HERC4: variants seen among roughly 807,000 people sequenced by gnomAD.
The protein encoded by HERC4 is probable E3 ubiquitin-protein ligase HERC4.
Under a neutral mutation model 124.3 loss-of-function variants are expected in HERC4, and 28 were observed. The observed-to-expected ratio is 0.23, with a 90% confidence interval of 0.17 to 0.31. The LOEUF (loss-of-function observed/expected upper bound fraction) is 0.31, where lower values mean the gene tolerates loss of function less well. Among genes scored for constraint, HERC4 ranks in the 10% least tolerant of loss-of-function variants. HERC4 has a pLI of 1.00. For synonymous variants in HERC4, 407 were observed against 421.5 expected (o/e 0.97, Z 0.42); for missense variants, 713 against 1,229.3 (o/e 0.58, Z 6.28).
At chr10:68,059,751 A>AATATTATATATCATAATATTAT in intron 3 of HERC4, among the ~76,000 whole-genome samples, 4 of 84,118 alleles carry the variant, frequency 4.8e-5, no homozygotes, top group Non-Finnish European at 5.7e-5. Flanking sequence ...TATATATTAT[A>AATATTATATATCATAATATTAT]ATATTATATA....
chr10:67,924,188 A>C (rs981340730), intron 24 of HERC4, among the ~76,000 whole-genome samples: 1 of 152,242 alleles, frequency 6.6e-6, no homozygotes, highest in African/African-American at 2.4e-5. Flanking sequence ...TTGTGACTGT[A>C]CTGAATGTGT....
At chr10:68,031,528 T>G (rs1307974029) in intron 7 of HERC4, among the ~76,000 whole-genome samples, 1 of 151,836 alleles carries the variant, frequency 6.6e-6, no homozygotes, top group African/African-American at 2.4e-5. Context: ...AAAAATGAAA[T>G]TACTTTTGCG....
At chr10:68,023,993 T>C (rs1008113401) in intron 8 of HERC4, among the ~76,000 whole-genome samples, 11 of 152,144 alleles carry the variant, frequency 7.2e-5, no homozygotes, top group South Asian at 2.1e-4. Context: ...CTTCTGTTCA[T>C]TGAAAGACAA....
At chr10:68,039,326 A>AG in intron 4 of HERC4, 4 of 1,468,856 alleles carry the variant, frequency 2.7e-6, no homozygotes, top group Non-Finnish European at 3.6e-6. Context: ...AAAAAAAAAA[A>AG]AAAAAAAAGA....
Position 67,956,992 on chromosome 10 carries a change from T to A in HERC4, c.1927-16A>T. The A allele has an allele frequency of 6.9e-7, 1 of 1,451,060 alleles. No homozygotes were observed. Among genetic ancestry groups the A allele is most frequent in the Non-Finnish European group, 9.4e-7 (1 of 1,062,192 alleles). 89.9% of individuals were successfully genotyped at this position (1,451,060 alleles called of 1,614,324 possible). Reference sequence around the variant, plus strand: ...TATCTGCCAACTGGAAATAAAAAATTAACTTATTAGTACAAGTTGATTTGT... The same window carrying A: ...TATCTGCCAACTGGAAATAAAAAATAAACTTATTAGTACAAGTTGATTTGT... On this transcript the variant is annotated splice_polypyrimidine_tract_variant and intron_variant, in intron 16 of 24. Transcript: ENST00000373700.
At chr10:67,965,368 C>T (rs543194811) in intron 16 of HERC4, 1 of 152,196 alleles carries the variant, frequency 6.6e-6, no homozygotes, top group Non-Finnish European at 1.5e-5. Flanking sequence ...GTCTGGTTCA[C>T]CACTGTATTT....
intron 9 of HERC4, among the ~76,000 whole-genome samples, chr10:68,005,406 T>C (rs2037480604): frequency 6.6e-6 from 1 of 152,222 alleles, no homozygotes; most frequent in Non-Finnish European, 1.5e-5. Context: ...TCCATCCCTT[T>C]ATTTTCAGTG....
intron 20 of HERC4, 28 bp downstream of exon 20, chr10:67,940,911 T>C (rs1475780128): frequency 3.8e-6 from 6 of 1,596,782 alleles, no homozygotes; most frequent in Non-Finnish European, 5.1e-6. Flanking sequence ...CAAACCCTAC[T>C]ACTTTTTGAC....
At chr10:68,005,051 G>A (rs766694851) in intron 9 of HERC4, among the ~76,000 whole-genome samples, 39 of 152,056 alleles carry the variant, frequency 2.6e-4, no homozygotes, top group African/African-American at 7.0e-4. Flanking sequence ...TGTCCTTGGC[G>A]CCCTTGTCCA....
chr10:68,001,248 T>G (rs2037213167), intron 9 of HERC4, among the ~76,000 whole-genome samples: 1 of 151,856 alleles, frequency 6.6e-6, no homozygotes. Context: ...AGCAAACACC[T>G]GTAGTTCCAG....
intron 9 of HERC4, among the ~76,000 whole-genome samples, chr10:68,002,396 G>T (rs777774929): frequency 6.6e-6 from 1 of 151,736 alleles, no homozygotes; most frequent in African/African-American, 2.4e-5. Context: ...TATATGAAAA[G>T]AAGGACATTT....
chr10:68,060,070 G>T (rs1231655694), intron 3 of HERC4, among the ~76,000 whole-genome samples: 2 of 149,158 alleles, frequency 1.3e-5, no homozygotes, highest in Non-Finnish European at 3.0e-5. Context: ...ATCTTCTGGA[G>T]TCTGACTGTT....
chr10:68,022,779 A>G (rs1213919695), intron 8 of HERC4, among the ~76,000 whole-genome samples: 1 of 151,972 alleles, frequency 6.6e-6, no homozygotes, highest in Non-Finnish European at 1.5e-5. Context: ...ATATCTGCAA[A>G]TATCTGATAA....
intron 9 of HERC4, among the ~76,000 whole-genome samples, chr10:67,997,672 TA>T (rs746191911): frequency 1.3e-5 from 2 of 152,190 alleles, no homozygotes; most frequent in African/African-American, 2.4e-5. Context: ...AATTAGGCTT[TA>T]TTTTTTTAGT....
At chr10:68,009,747 T>G (rs1000552084) in intron 9 of HERC4, among the ~76,000 whole-genome samples, 3 of 152,232 alleles carry the variant, frequency 2.0e-5, no homozygotes, top group Non-Finnish European at 4.4e-5. Context: ...CCCACGGAAC[T>G]GCTTTCAAAA....
At chr10:68,019,810 T>G (rs2038500951) in intron 8 of HERC4, among the ~76,000 whole-genome samples, 1 of 152,160 alleles carries the variant, frequency 6.6e-6, no homozygotes, top group Non-Finnish European at 1.5e-5. Context: ...AATAACGACT[T>G]TGTCTGTTTT....
intron 21 of HERC4, among the ~76,000 whole-genome samples, chr10:67,937,445 G>A (rs1472909553): frequency 6.6e-6 from 1 of 151,990 alleles, no homozygotes; most frequent in East Asian, 1.9e-4. Context: ...TCACAAATTT[G>A]GTGACTGATA....
intron 19 of HERC4, among the ~76,000 whole-genome samples, chr10:67,949,455 C>T (rs1278139479): frequency 6.6e-6 from 1 of 152,064 alleles, no homozygotes; most frequent in Admixed American, 6.5e-5. Flanking sequence ...TATCAAAATA[C>T]CAGAAAAGGA....
chr10:68,069,368 C>A (rs988037334), intron 3 of HERC4: 1 of 984,946 alleles, frequency 1.0e-6, no homozygotes, highest in Non-Finnish European at 1.2e-6. Context: ...ACATTCACTT[C>A]TCTGGAAATA....
Sources: allele counts gnomAD v4.1 joint callset (sites outside exome capture counted in the v4.1 genomes callset), GRCh38; gene constraint gnomAD v4.1.1; transcripts MANE v1.5; gene names NCBI Gene and HGNC (gene_info 2026-07-23, HGNC 2026-07-21).